SRPK1: variants seen among roughly 807,000 people sequenced by gnomAD.
SRPK1 encodes the protein SRSF protein kinase 1, also known as SFRS protein kinase 1.
SRPK1 carries 52 observed loss-of-function variants against 89.5 expected under a neutral mutation model. That is an observed-to-expected ratio of 0.58 (90% CI 0.46 to 0.73). The LOEUF (loss-of-function observed/expected upper bound fraction) is 0.73. SRPK1 is among the 30% of genes least tolerant of loss of function. The pLI is 0.00. For synonymous variants in SRPK1, 255 were observed against 270.2 expected (o/e 0.94, Z 0.55); for missense variants, 603 against 780.6 (o/e 0.77, Z 2.71).
At chr6:35,887,733 C>T (rs146202137) in intron 5 of SRPK1, 3 of 249,754 alleles carry the variant, frequency 1.2e-5, no homozygotes, top group South Asian at 1.7e-4. Context: ...AACATTATGA[C>T]AGTAGCTACC....
chr6:35,833,524 G>A lies in SRPK1; in HGVS notation c.*1780C>T, dbSNP rs1011158151. 1 of 152,602 alleles carries A rather than the reference G, an allele frequency of 6.6e-6. No homozygotes were observed. Among genetic ancestry groups the A allele is most frequent in the Non-Finnish European group, 1.5e-5 (1 of 68,036 alleles). The allele number at this position is 152,602 out of a possible 1,614,324, so 9.5% of individuals were successfully genotyped here. A position where few individuals can be genotyped will look rare whatever the true frequency, so the allele number is the denominator to read the frequency against. On this transcript the variant is annotated 3_prime_UTR_variant, in exon 16 of 16. Transcript: ENST00000373825. ...CCCAAAGTGGATTAGAATTGCTGAA[G>A]GATTTCCCTGCCGTTGTTTGATACA...
chr6:35,852,834 T>C (rs1769583284), intron 13 of SRPK1, among the ~76,000 whole-genome samples: 1 of 152,216 alleles, frequency 6.6e-6, no homozygotes, highest in Non-Finnish European at 1.5e-5. Context: ...CTGAAACACC[T>C]GACCAAGAAT....
At chr6:35,870,808 A>G in intron 9 of SRPK1, 126 bp downstream of exon 9, 1 of 808,646 alleles carries the variant, frequency 1.2e-6, no homozygotes, top group Non-Finnish European at 1.9e-6. Flanking sequence ...AGAAAATTAT[A>G]GAAGCGCAGG....
chr6:35,857,127 A>T, intron 13 of SRPK1, 134 bp downstream of exon 13: 1 of 668,184 alleles, frequency 1.5e-6, no homozygotes, highest in Non-Finnish European at 2.6e-6. Flanking sequence ...CTAGACATAG[A>T]ATTTAGAATA....
chr6:35,881,284 CT>C (rs1770281991), intron 6 of SRPK1, among the ~76,000 whole-genome samples: 1 of 152,048 alleles, frequency 6.6e-6, no homozygotes, highest in Non-Finnish European at 1.5e-5. Flanking sequence ...AAGGTAAATA[CT>C]TGAGCAATTA....
At chr6:35,883,613 T>C (rs939792914) in intron 6 of SRPK1, among the ~76,000 whole-genome samples, 3 of 151,898 alleles carry the variant, frequency 2.0e-5, no homozygotes, top group African/African-American at 7.3e-5. Context: ...AAACATATAG[T>C]AGCTTAAAAA....
In SRPK1 at chr6:35,855,266, T is replaced by C. The variant is rs1354756916; in HGVS notation, c.1620+1995A>G. On this transcript the variant is annotated intron_variant, in intron 13 of 15. Coordinates refer to ENST00000373825, the MANE Select transcript of SRPK1 (RefSeq NM_003137.5). ...GCAGTGAGCCAAGATTGCGCCACTG[T>C]ACTCCAGCTTGGGTGACAGAGCAAG... is the stretch of plus-strand genomic sequence containing the variant. Among the ~76,000 whole-genome samples the C allele has an allele frequency of 1.3e-5, 2 of 151,826 alleles. 1 individual carries two copies. The highest frequency in any genetic ancestry group is 4.8e-5 in the African/African-American group (2 of 41,330).
chr6:35,876,923 G>A (rs1026718508), intron 6 of SRPK1, among the ~76,000 whole-genome samples: 5 of 152,284 alleles, frequency 3.3e-5, no homozygotes, highest in Admixed American at 3.3e-4. Context: ...GACCAAGGCA[G>A]CTATAATTCA....
At chr6:35,867,775 T>C (rs898174794) in intron 12 of SRPK1, among the ~76,000 whole-genome samples, 2 of 151,898 alleles carry the variant, frequency 1.3e-5, no homozygotes, top group Non-Finnish European at 2.9e-5. Flanking sequence ...TGAGATTGAG[T>C]TACTGCACTC....
At chr6:35,893,534 T>C (rs1019196622) in intron 2 of SRPK1, among the ~76,000 whole-genome samples, 1 of 150,924 alleles carries the variant, frequency 6.6e-6, no homozygotes, top group Non-Finnish European at 1.5e-5. Context: ...TATAATGGAG[T>C]TGACACCATA....
At chr6:35,857,712 C>CCACCCTGGGCTCAAGTGATCCAT in intron 12 of SRPK1, among the ~76,000 whole-genome samples, 1 of 152,014 alleles carries the variant, frequency 6.6e-6, no homozygotes, top group Non-Finnish European at 1.5e-5. Flanking sequence ...AAGTGATCCA[C>CCACCCTGGGCTCAAGTGATCCAT]CCACCTTGGC....
chr6:35,835,537 G>T (rs766562095), intron 15 of SRPK1, 49 bp from the exon 16 acceptor site: 2 of 1,524,980 alleles, frequency 1.3e-6, no homozygotes, highest in African/African-American at 2.8e-5. Context: ...ACAGACAAAT[G>T]ACAAGGTACT....
chr6:35,910,774 G>C (rs1280950635), intron 2 of SRPK1, among the ~76,000 whole-genome samples: 1 of 152,144 alleles, frequency 6.6e-6, no homozygotes, highest in African/African-American at 2.4e-5. Flanking sequence ...AAATCTTAGG[G>C]CTCTTAAGAA....
chr6:35,904,999 T>C (rs761318929), intron 2 of SRPK1: 3 of 439,068 alleles, frequency 6.8e-6, no homozygotes, highest in South Asian at 4.8e-5. Context: ...AAAAAAAAAA[T>C]TAAAAATTAA....
At chr6:35,892,687 A>AACGACGACG (rs1001150106) in intron 2 of SRPK1, among the ~76,000 whole-genome samples, 63 of 126,590 alleles carry the variant, frequency 5.0e-4, no homozygotes, top group African/African-American at 1.8e-3. Flanking sequence ...CAACAACAAC[A>AACGACGACG]ACGACAACAA....
intron 6 of SRPK1, among the ~76,000 whole-genome samples, chr6:35,880,667 C>T (rs963607518): frequency 1.3e-3 from 165 of 130,342 alleles, no homozygotes; most frequent in African/African-American, 4.5e-3. Flanking sequence ...TTGCAGTGAG[C>T]GGAGATTGCA....
At chr6:35,911,602 T>C (rs1445111415) in intron 2 of SRPK1, among the ~76,000 whole-genome samples, 1 of 151,744 alleles carries the variant, frequency 6.6e-6, no homozygotes, top group Non-Finnish European at 1.5e-5. Context: ...GTTTCTTTCT[T>C]TTTTGTTTTT....
Position 35,920,449 on chromosome 6 carries a change from G to A in SRPK1, c.74+19C>T. 1 of 1,612,206 alleles carries A rather than the reference G, an allele frequency of 6.2e-7. No individual in the cohort carries two copies. The highest frequency in any genetic ancestry group is 8.5e-7 in the Non-Finnish European group (1 of 1,178,580). On this transcript the variant is annotated intron_variant, in intron 2 of 15. Transcript: ENST00000373825. ...CGGAGGAAAATCCAAAGAATGGGAT[G>A]TTGGGGTACAAGACTCACTTCCTTT...
chr6:35,844,889 A>G (rs1365168396), intron 13 of SRPK1, among the ~76,000 whole-genome samples: 1 of 152,132 alleles, frequency 6.6e-6, no homozygotes, highest in African/African-American at 2.4e-5. Context: ...AAAAAACAAA[A>G]AACACAGAGC....
Sources: gnomAD v4.1 joint callset for allele counts (sites outside exome capture counted in the v4.1 genomes callset) on GRCh38, gnomAD v4.1.1 for gene constraint, MANE v1.5 for transcripts, NCBI Gene and HGNC (gene_info 2026-07-23, HGNC 2026-07-21) for gene names.